ICA1L: variants seen among roughly 807,000 people sequenced by gnomAD.
ICA1L encodes islet cell autoantigen 1 like, also known as islet cell autoantigen 1-like protein.
In ICA1L, 50 loss-of-function variants were observed where a neutral mutation model predicts 61.3. The ratio of observed to expected loss-of-function variants is 0.82; its 90% CI spans 0.65 to 1.03. The LOEUF (loss-of-function observed/expected upper bound fraction) is 1.03. Ranked by LOEUF, ICA1L falls within the 50% of genes least tolerant of loss-of-function variation. The probability of loss-of-function intolerance (pLI) is 0.00; values close to 1 mark genes in which losing one functional copy is unlikely to be tolerated. For missense variants in ICA1L, 508 were observed against 556.7 expected, an observed-to-expected ratio of 0.91 and a Z score of 0.88; for synonymous variants, 161 against 191.3, an observed-to-expected ratio of 0.84 and a Z score of 1.31.
At chr2:202,803,674 T>C (rs1693151290) in intron 9 of ICA1L, among the ~76,000 whole-genome samples, 1 of 152,004 alleles carries the variant, frequency 6.6e-6, no homozygotes. Context: ...TAGCTGGGAC[T>C]ACAGGTGCAC....
At chr2:202,835,215 CTTTTTTT>C (rs544503963) in intron 1 of ICA1L, among the ~76,000 whole-genome samples, 48,891 of 120,500 alleles carry the variant, frequency 0.41, 8,994 homozygotes, top group Middle Eastern at 0.58. Flanking sequence ...TGATTTCTTC[CTTTTTTT>C]TTTTTTTTTT....
chr2:202,773,852 T>C lies in ICA1L; in HGVS notation c.*5681A>G. The C allele has an allele frequency of 7.4e-7, 1 of 1,343,948 alleles. No individual in the cohort carries two copies. Among genetic ancestry groups the C allele is most frequent in the Non-Finnish European group, 1.1e-6 (1 of 937,294 alleles). 83.3% of individuals were successfully genotyped at this position (1,343,948 alleles called of 1,614,324 possible). ...TGCAAGTGCAGCCCTGTGGGAAGTTTTCTTCTACAGAGGCTGAGTGGAACA... is the reference window on the plus strand; with the variant it reads ...TGCAAGTGCAGCCCTGTGGGAAGTTCTCTTCTACAGAGGCTGAGTGGAACA... On this transcript the variant is annotated 3_prime_UTR_variant, in exon 13 of 13. Coordinates refer to ENST00000358299, the MANE Select transcript of ICA1L (RefSeq NM_001288622.3).
intron 10 of ICA1L, among the ~76,000 whole-genome samples, chr2:202,794,118 T>C (rs565936936): frequency 6.6e-6 from 1 of 152,066 alleles, no homozygotes; most frequent in South Asian, 2.1e-4. Context: ...TAGTTCATCA[T>C]ATTAATATAT....
At chr2:202,831,432 C>T (rs542356459) in intron 1 of ICA1L, among the ~76,000 whole-genome samples, 129 of 152,276 alleles carry the variant, frequency 8.5e-4, no homozygotes, top group Non-Finnish European at 1.6e-3. Context: ...TCCTCCTTCC[C>T]TCCACTCCCA....
chr2:202,779,365 G>A lies in ICA1L; in HGVS notation c.*168C>T, dbSNP rs1692322633. ...TGCAAATCCAAGATATGAAAGATGT[G>A]TACTTATTCAAATGTGGTCTTTACC... On this transcript the variant is annotated 3_prime_UTR_variant, in exon 13 of 13. Coordinates refer to ENST00000358299, the MANE Select transcript of ICA1L (RefSeq NM_001288622.3). 1 of 489,700 alleles carries A rather than the reference G, an allele frequency of 2.0e-6. No individual in the cohort carries two copies. Among genetic ancestry groups the A allele is most frequent in the Admixed American group, 3.8e-5 (1 of 26,444 alleles). 30.3% of individuals were successfully genotyped at this position (489,700 alleles called of 1,614,324 possible).
intron 3 of ICA1L, among the ~76,000 whole-genome samples, chr2:202,822,531 GAAAC>G (rs1230902684): frequency 1.3e-5 from 2 of 151,744 alleles, no homozygotes; most frequent in East Asian, 3.8e-4. Flanking sequence ...AGCAAACCAT[GAAAC>G]AAAAAAAGGT....
rs770494846 is a variant in ICA1L at position 202,828,875 on chromosome 2, A to C, written c.135T>G (p.Ser45=). ...CAAGTTTAGCATCCAGTTCAGCATCAGACGCCACCAAGTGCTCATCCTCTT... is the reference window on the plus strand; with the variant it reads ...CAAGTTTAGCATCCAGTTCAGCATCCGACGCCACCAAGTGCTCATCCTCTT... ...GKKEDEHLVA[S]DAELDAKLEV... is the part of the protein sequence containing the mutation. Residue 45 remains serine (S), a synonymous_variant, in exon 2 of 13, where the codon TCT becomes TCG. Coordinates refer to ENST00000358299, the MANE Select transcript of ICA1L (RefSeq NM_001288622.3). 5.0e-6 allele frequency: 8 copies of C among 1,613,984 alleles called. No homozygotes were observed. The highest frequency in any genetic ancestry group is 1.7e-5 in the Admixed American group (1 of 59,988).
intron 1 of ICA1L, among the ~76,000 whole-genome samples, chr2:202,854,319 A>T (rs997079906): frequency 1.3e-5 from 2 of 152,206 alleles, no homozygotes; most frequent in Admixed American, 6.5e-5. Flanking sequence ...TGGTAAAGGG[A>T]TCAATGCAAC....
intron 1 of ICA1L, among the ~76,000 whole-genome samples, chr2:202,830,554 A>G (rs763871612): frequency 1.3e-5 from 2 of 152,264 alleles, no homozygotes; most frequent in Non-Finnish European, 2.9e-5. Flanking sequence ...CTAAAGCCCA[A>G]ATTATTCCAA....
intron 9 of ICA1L, among the ~76,000 whole-genome samples, chr2:202,807,627 A>ACCAG (rs1209132149): frequency 1.3e-5 from 2 of 152,058 alleles, no homozygotes; most frequent in African/African-American, 2.4e-5. Flanking sequence ...CTAGTGAGAT[A>ACCAG]CCAGCCAGCC....
intron 5 of ICA1L, 127 bp downstream of exon 5, chr2:202,819,574 A>G (rs1351796278): frequency 1.3e-6 from 1 of 751,734 alleles, no homozygotes; most frequent in Non-Finnish European, 2.2e-6. Context: ...TACAGTCTCC[A>G]AGCAACCAAG....
intron 1 of ICA1L, among the ~76,000 whole-genome samples, chr2:202,837,625 C>T (rs1317318312): frequency 6.6e-6 from 1 of 152,004 alleles, no homozygotes; most frequent in African/African-American, 2.4e-5. Context: ...TTTCTAGTCT[C>T]TATTTATTTC....
intron 10 of ICA1L, among the ~76,000 whole-genome samples, chr2:202,796,280 T>C (rs1333458495): frequency 6.6e-6 from 1 of 152,140 alleles, no homozygotes; most frequent in Non-Finnish European, 1.5e-5. Flanking sequence ...ATTAACCAAT[T>C]GGACTGTATT....
chr2:202,841,474 G>A, intron 1 of ICA1L: 1 of 872,174 alleles, frequency 1.1e-6, no homozygotes, highest in Non-Finnish European at 1.9e-6. Flanking sequence ...TATGGAGGAG[G>A]CAAATTTGTT....
In ICA1L at chr2:202,774,250, G is replaced by T. The variant is rs992021332; in HGVS notation, c.*5283C>A. 1 of 1,545,930 alleles carries T rather than the reference G, an allele frequency of 6.5e-7. No individual in the cohort carries two copies. The highest frequency in any genetic ancestry group is 8.7e-7 in the Non-Finnish European group (1 of 1,145,358). On this transcript the variant is annotated 3_prime_UTR_variant, in exon 13 of 13. Transcript: ENST00000358299. ...GCGGCTCCTGAGTCTTCTCGCTCCT[G>T]TCGGCCAAAGGCCGTGACCCCGACG... is the stretch of plus-strand genomic sequence containing the variant.
intron 12 of ICA1L, among the ~76,000 whole-genome samples, chr2:202,781,376 G>A (rs969674222): frequency 9.2e-5 from 14 of 151,436 alleles, no homozygotes; most frequent in African/African-American, 3.2e-4. Flanking sequence ...AGTTCGAGAC[G>A]AGCCTGGCCA....
intron 1 of ICA1L, among the ~76,000 whole-genome samples, chr2:202,829,536 G>C (rs1693954662): frequency 6.6e-6 from 1 of 151,970 alleles, no homozygotes; most frequent in Non-Finnish European, 1.5e-5. Context: ...GAATAATGTG[G>C]GCTCAAGCAA....
At chr2:202,864,284 C>T (rs1166378893) in intron 1 of ICA1L, among the ~76,000 whole-genome samples, 2 of 151,950 alleles carry the variant, frequency 1.3e-5, no homozygotes, top group African/African-American at 2.4e-5. Context: ...TGCTCTGTCG[C>T]CCAGGCTGGA....
intron 1 of ICA1L, among the ~76,000 whole-genome samples, chr2:202,851,008 TTC>T (rs1206198692): frequency 2.0e-5 from 3 of 151,962 alleles, no homozygotes; most frequent in Non-Finnish European, 4.4e-5. Context: ...GAAAATAATT[TTC>T]TTTTTTTTTT....
Sources: allele counts gnomAD v4.1 joint callset (sites outside exome capture counted in the v4.1 genomes callset), GRCh38; gene constraint gnomAD v4.1.1; transcripts MANE v1.5; gene names NCBI Gene and HGNC (gene_info 2026-07-23, HGNC 2026-07-21).